The following SCN9A variants were observed in gnomAD, a reference collection of about 807,000 sequenced individuals.
The protein encoded by SCN9A is sodium channel protein type 9 subunit alpha.
SCN9A carries 131 observed loss-of-function variants against 187.0 expected under a neutral mutation model. That is an observed-to-expected ratio of 0.70 (90% CI 0.61 to 0.81). The LOEUF (loss-of-function observed/expected upper bound fraction) is 0.81, where lower values mean the gene tolerates loss of function less well. SCN9A is among the 30% of genes least tolerant of loss of function. The pLI is 0.00. For synonymous variants in SCN9A, 809 were observed against 808.6 expected, an observed-to-expected ratio of 1.00 and a Z score of -0.01; for missense variants, 2,252 against 2,396.6, an observed-to-expected ratio of 0.94 and a Z score of 1.26.
chr2:166,334,328 T>G (rs1232354239), intron 1 of SCN9A, among the ~76,000 whole-genome samples: 1 of 152,134 alleles, frequency 6.6e-6, no homozygotes, highest in Non-Finnish European at 1.5e-5. Flanking sequence ...GCAATTACTT[T>G]ACTGATATCA....
chr2:166,314,010 A>G (rs997127829), intron 1 of SCN9A, among the ~76,000 whole-genome samples: 1 of 152,194 alleles, frequency 6.6e-6, no homozygotes, highest in Non-Finnish European at 1.5e-5. Flanking sequence ...GTCACATTTA[A>G]TGATTGTTTG....
rs577681720 is a variant in SCN9A, at chr2:166,204,141, C to A, written c.4588G>T (p.Val1530Leu). ...CCCTCCTTTTCTACCATCATGGTTA[C>A]CATGTTGAGACAGATAAGAACCATG... Reference protein sequence around the residue: ...SIMVLICLNMVTMMVEKEGQS... With the variant: ...SIMVLICLNMLTMMVEKEGQS... The change falls in exon 26 of 27, where the codon GTA becomes TTA. Residue 1530 changes from valine to leucine, a missense_variant. This residue lies in a region of SCN9A where 368 missense variants were observed against 408.6 expected (regional missense o/e 0.90). Transcript: ENST00000642356. 1 of 1,612,046 alleles carries A rather than the reference C, an allele frequency of 6.2e-7. No individual in the cohort carries two copies. Among genetic ancestry groups the A allele is most frequent in the Non-Finnish European group, 8.5e-7 (1 of 1,178,502 alleles).
At position 166,344,562 on chromosome 2, in the gene SCN9A, A is replaced by G. The variant is rs180893354; in HGVS notation, c.-51+31135T>C. On this transcript the variant is annotated intron_variant, in intron 1 of 26. Coordinates refer to ENST00000642356, the MANE Select transcript of SCN9A (RefSeq NM_001365536.1). ...GCTTGGTCAAAAGAAACTCAGCTCT[A>G]TAAATCATCATTATACTAGCAATTC... Among the ~76,000 whole-genome samples the G allele has an allele frequency of 2.6e-5, 4 of 152,316 alleles. 1 individual carries two copies. In the East Asian group the frequency reaches 7.7e-4, roughly 29 times the overall value.
intron 20 of SCN9A, 137 bp from the exon 21 acceptor site, chr2:166,233,599 T>TA: frequency 2.0e-6 from 1 of 508,062 alleles, no homozygotes; most frequent in Non-Finnish European, 3.3e-6. Flanking sequence ...AGTCAATGCC[T>TA]AAAAATAGGG....
chr2:166,306,659 A>T, intron 3 of SCN9A, 60 bp from the exon 4 acceptor site: 1 of 1,176,992 alleles, frequency 8.5e-7, no homozygotes, highest in African/African-American at 1.5e-5. Flanking sequence ...TTTGAGGATG[A>T]CACTTGTTGA....
chr2:166,355,165 G>A (rs769511874), intron 1 of SCN9A, among the ~76,000 whole-genome samples: 9 of 151,174 alleles, frequency 6.0e-5, no homozygotes, highest in South Asian at 4.2e-4. Context: ...ATATGATCTC[G>A]GCTCACTCCA....
chr2:166,211,687 GAAGTT>G (rs1483775879), intron 24 of SCN9A, among the ~76,000 whole-genome samples: 6 of 151,628 alleles, frequency 4.0e-5, no homozygotes, highest in Admixed American at 3.9e-4. Context: ...ATATATGATT[GAAGTT>G]AAGTTGTTAT....
rs1308367280 is a variant in SCN9A, at chr2:166,304,757, G to A, written c.597-428C>T. Among the ~76,000 whole-genome samples the A allele has an allele frequency of 3.3e-5, 5 of 152,000 alleles. No homozygotes were observed. The South Asian group carries it at 8.3e-4, about 25-fold the overall frequency. ...AACATAGATGAGTGGTTTCCAAGGG[G>A]CCAGGGAGAGAAGGAAATTGAAGTG... On this transcript the variant is annotated intron_variant, in intron 5 of 26. Coordinates refer to ENST00000642356, the MANE Select transcript of SCN9A (RefSeq NM_001365536.1).
At chr2:166,327,390 C>T (rs116710246) in intron 1 of SCN9A, among the ~76,000 whole-genome samples, 4,822 of 152,230 alleles carry the variant, frequency 0.032, 106 homozygotes, top group Non-Finnish European at 0.046. Flanking sequence ...CTCCTGGGCT[C>T]AAGTGATCTG....
intron 1 of SCN9A, among the ~76,000 whole-genome samples, chr2:166,370,226 A>ATCATCATC (rs1553507717): frequency 0.039 from 5,163 of 131,314 alleles, 130 homozygotes; most frequent in South Asian, 0.056. Flanking sequence ...TAATAATAAT[A>ATCATCATC]ATAATAATAA....
At chr2:166,295,054 T>C (rs746920432) in intron 7 of SCN9A, among the ~76,000 whole-genome samples, 2 of 152,160 alleles carry the variant, frequency 1.3e-5, no homozygotes, top group Non-Finnish European at 2.9e-5. Context: ...GGGACGGTCT[T>C]TCTAAGGAGA....
intron 17 of SCN9A, among the ~76,000 whole-genome samples, chr2:166,254,415 G>A (rs1247059590): frequency 6.6e-6 from 1 of 151,310 alleles, no homozygotes; most frequent in African/African-American, 2.4e-5. Context: ...ATCTATACTT[G>A]CTACAGTATA....
At chr2:166,236,417 G>A (rs1024804666) in intron 20 of SCN9A, among the ~76,000 whole-genome samples, 9 of 151,086 alleles carry the variant, frequency 6.0e-5, no homozygotes, top group African/African-American at 2.2e-4. Context: ...TTAAGAAAAC[G>A]AAAATTATTA....
At chr2:166,337,048 G>C (rs920190899) in intron 1 of SCN9A, among the ~76,000 whole-genome samples, 3 of 152,080 alleles carry the variant, frequency 2.0e-5, no homozygotes, top group Admixed American at 6.6e-5. Flanking sequence ...ATAGTCTAGA[G>C]GGTAAATTTA....
intron 18 of SCN9A, among the ~76,000 whole-genome samples, chr2:166,247,719 G>A (rs1695857059): frequency 6.6e-6 from 1 of 152,094 alleles, no homozygotes; most frequent in South Asian, 2.1e-4. Flanking sequence ...ATTTCACCAT[G>A]TTAGCCAGGA....
chr2:166,289,711 G>T (rs761602811), intron 9 of SCN9A, among the ~76,000 whole-genome samples: 2 of 152,008 alleles, frequency 1.3e-5, no homozygotes, highest in Non-Finnish European at 2.9e-5. Context: ...TAATGGGATT[G>T]CTGGGTCACT....
At position 166,200,710 on chromosome 2, in the gene SCN9A, A is replaced by G. The variant is rs1458374137; in HGVS notation, c.4775-846T>C. ...GAGTGCGGTGGTGTGATCTTGGCCTACTGCAATCTCTGCATCCCGGGATCA... is the reference window on the plus strand; with the variant it reads ...GAGTGCGGTGGTGTGATCTTGGCCTGCTGCAATCTCTGCATCCCGGGATCA... On this transcript the variant is annotated intron_variant, in intron 26 of 26. Coordinates refer to ENST00000642356, the MANE Select transcript of SCN9A (RefSeq NM_001365536.1). 2.0e-5 allele frequency among the ~76,000 whole-genome samples: 3 copies of G among 152,118 alleles called. No homozygotes were observed. In the East Asian group the frequency reaches 5.8e-4, roughly 29 times the overall value.
chr2:166,279,502 C>T (rs998851902), intron 14 of SCN9A, among the ~76,000 whole-genome samples: 1 of 152,162 alleles, frequency 6.6e-6, no homozygotes, highest in Non-Finnish European at 1.5e-5. Flanking sequence ...GTGTGACCAG[C>T]ACTGTACATT....
intron 17 of SCN9A, among the ~76,000 whole-genome samples, chr2:166,267,146 A>G (rs1696777182): frequency 6.6e-6 from 1 of 151,942 alleles, no homozygotes; most frequent in African/African-American, 2.4e-5. Context: ...TTGGAGAGAA[A>G]GCTTTCAGCT....
Sources: allele counts gnomAD v4.1 joint callset (sites outside exome capture counted in the v4.1 genomes callset), GRCh38; gene constraint gnomAD v4.1.1; regional missense constraint gnomAD v4.1.1; transcripts MANE v1.5; gene names NCBI Gene and HGNC (gene_info 2026-07-23, HGNC 2026-07-21).